COL13A1: variants seen among roughly 807,000 people sequenced by gnomAD.
COL13A1 encodes the protein collagen type XIII alpha 1 chain, also known as collagen alpha-1(XIII) chain.
In COL13A1, 89 loss-of-function variants were observed where a neutral mutation model predicts 130.9. That is an observed-to-expected ratio of 0.68 (90% CI 0.57 to 0.81). The LOEUF (loss-of-function observed/expected upper bound fraction) is 0.81. Among genes scored for constraint, COL13A1 ranks in the 30% least tolerant of loss-of-function variants. The probability of loss-of-function intolerance (pLI) is 0.00; values close to 1 mark genes in which losing one functional copy is unlikely to be tolerated. For missense variants in COL13A1, 879 were observed against 934.6 expected, an observed-to-expected ratio of 0.94 and a Z score of 0.78; for synonymous variants, 402 against 341.6, an observed-to-expected ratio of 1.18 and a Z score of -1.95.
At chr10:69,873,499 C>T (rs1461902702) in intron 4 of COL13A1, among the ~76,000 whole-genome samples, 1 of 152,196 alleles carries the variant, frequency 6.6e-6, no homozygotes, top group Non-Finnish European at 1.5e-5. Flanking sequence ...ATTTAGGGGG[C>T]AATTGACAGA....
At chr10:69,858,390 T>A (rs1431410605) in intron 2 of COL13A1, among the ~76,000 whole-genome samples, 1 of 152,226 alleles carries the variant, frequency 6.6e-6, no homozygotes, top group Non-Finnish European at 1.5e-5. Context: ...TAGAGGATAC[T>A]GGGCTCAGAG....
intron 20 of COL13A1, 121 bp downstream of exon 20, chr10:69,919,209 C>G: frequency 7.6e-7 from 1 of 1,323,824 alleles, no homozygotes; most frequent in Non-Finnish European, 1.1e-6. Context: ...GGGGACCTGG[C>G]TAAGCAGAGA....
chr10:69,867,088 T>C (rs1003726046), intron 2 of COL13A1, among the ~76,000 whole-genome samples: 1 of 152,222 alleles, frequency 6.6e-6, no homozygotes, highest in Non-Finnish European at 1.5e-5. Flanking sequence ...TTTGTCATTC[T>C]TGGCTGTTGC....
intron 17 of COL13A1, among the ~76,000 whole-genome samples, chr10:69,916,932 T>G (rs2063991649): frequency 1.3e-5 from 2 of 152,116 alleles, no homozygotes; most frequent in African/African-American, 4.8e-5. Flanking sequence ...AAGCAGCCAA[T>G]GGGTGGCTCC....
At chr10:69,859,622 C>T (rs1018709659) in intron 2 of COL13A1, among the ~76,000 whole-genome samples, 2 of 152,228 alleles carry the variant, frequency 1.3e-5, no homozygotes, top group Non-Finnish European at 2.9e-5. Context: ...CTTCAGGGAC[C>T]TGAGTGACCC....
intron 1 of COL13A1, among the ~76,000 whole-genome samples, chr10:69,805,695 G>A (rs1182961413): frequency 1.3e-5 from 2 of 152,094 alleles, no homozygotes; most frequent in Admixed American, 6.6e-5. Flanking sequence ...GCAGCTTCTG[G>A]GCCTGCAAAG....
intron 31 of COL13A1, 23 bp from the exon 32 acceptor site, chr10:69,935,327 C>T: frequency 6.4e-7 from 1 of 1,571,218 alleles, no homozygotes; most frequent in Non-Finnish European, 8.6e-7. Flanking sequence ...TCAAATGTAA[C>T]AGGGCTCCCC....
At chr10:69,945,625 G>A (rs778223817) in intron 36 of COL13A1, 46 bp from the exon 37 acceptor site, 5 of 1,596,554 alleles carry the variant, frequency 3.1e-6, no homozygotes, top group African/African-American at 1.3e-5. Context: ...AAGGAAGATT[G>A]TTACCGTGTC....
At chr10:69,839,666 G>A (rs995084756) in intron 2 of COL13A1, among the ~76,000 whole-genome samples, 7 of 152,256 alleles carry the variant, frequency 4.6e-5, no homozygotes, top group Non-Finnish European at 8.8e-5. Flanking sequence ...TTAAATCAGA[G>A]GTTGGGGAAT....
rs749201559 is a variant in COL13A1 at position 69,887,498 on chromosome 10, G to A, written c.549+7G>A. ...AGGTTTCCCTGGATTTCCGGTAAGT[G>A]GAGAAGGCTGAAGTTAGCTGTGTCC... On this transcript the variant is annotated splice_region_variant and intron_variant, in intron 8 of 40. Coordinates refer to ENST00000645393, the MANE Select transcript of COL13A1 (RefSeq NM_001368882.1). The A allele has an allele frequency of 6.2e-7, 1 of 1,613,584 alleles. No homozygotes were observed.
intron 17 of COL13A1, among the ~76,000 whole-genome samples, chr10:69,915,759 A>T (rs557173845): frequency 6.6e-6 from 1 of 152,208 alleles, no homozygotes; most frequent in African/African-American, 2.4e-5. Context: ...CCAGACAAGA[A>T]CTGGGTGCTC....
chr10:69,838,440 A>T (rs757989171), intron 2 of COL13A1, among the ~76,000 whole-genome samples: 1 of 152,128 alleles, frequency 6.6e-6, no homozygotes, highest in Non-Finnish European at 1.5e-5. Flanking sequence ...GATCATGACA[A>T]CCTCTACCTC....
chr10:69,898,550 C>G lies in COL13A1; in HGVS notation c.685-147C>G, dbSNP rs1050915258. 8 of 620,076 alleles carry G rather than the reference C, an allele frequency of 1.3e-5. No homozygotes were observed. The African/African-American group carries it at 1.5e-4, about 11-fold the overall frequency. 38.4% of individuals were successfully genotyped at this position (620,076 alleles called of 1,614,324 possible). On this transcript the variant is annotated intron_variant, in intron 13 of 40. Coordinates refer to ENST00000645393, the MANE Select transcript of COL13A1 (RefSeq NM_001368882.1). ...CCTGTCCACTCCTTCCCTCCCACTC[C>G]TCATGTGCACGCTAATCTCTCTTCT...
chr10:69,804,989 C>T (rs900628860), intron 1 of COL13A1, among the ~76,000 whole-genome samples: 2 of 152,014 alleles, frequency 1.3e-5, no homozygotes, highest in African/African-American at 4.8e-5. Context: ...CAGGCAAAAG[C>T]GGGCGAGTGT....
At chr10:69,842,702 T>C (rs1397426372) in intron 2 of COL13A1, among the ~76,000 whole-genome samples, 1 of 152,208 alleles carries the variant, frequency 6.6e-6, no homozygotes, top group African/African-American at 2.4e-5. Context: ...GGACAGGCTG[T>C]GCATGCCCAG....
chr10:69,895,443 G>T (rs2061540896), intron 12 of COL13A1, 107 bp from the exon 13 acceptor site: 2 of 1,212,732 alleles, frequency 1.6e-6, no homozygotes. Flanking sequence ...AGGAGGGCTG[G>T]TGAGCGGTGA....
chr10:69,908,640 G>A (rs1149697), intron 17 of COL13A1, among the ~76,000 whole-genome samples: 121,847 of 152,092 alleles, frequency 0.8, 50,299 homozygotes, highest in East Asian at 0.98. Context: ...TGGGGTTAGG[G>A]TGTCCTGACG....
intron 34 of COL13A1, among the ~76,000 whole-genome samples, chr10:69,938,024 GC>G (rs1471813603): frequency 6.6e-6 from 1 of 152,236 alleles, no homozygotes; most frequent in Non-Finnish European, 1.5e-5. Flanking sequence ...AAAGCCTGCT[GC>G]CTTTACGGGG....
At chr10:69,943,446 C>A (rs1264830597) in intron 35 of COL13A1, among the ~76,000 whole-genome samples, 1 of 152,216 alleles carries the variant, frequency 6.6e-6, no homozygotes, top group African/African-American at 2.4e-5. Context: ...CCCTGATGCT[C>A]CATGTCTAAG....
Sources: allele counts gnomAD v4.1 joint callset (sites outside exome capture counted in the v4.1 genomes callset), GRCh38; gene constraint gnomAD v4.1.1; transcripts MANE v1.5; gene names NCBI Gene and HGNC (gene_info 2026-07-23, HGNC 2026-07-21).